LNPK: variants seen among roughly 807,000 people sequenced by gnomAD.
LNPK encodes endoplasmic reticulum junction formation protein lunapark.
A neutral mutation model predicts 55.2 loss-of-function variants in LNPK; 29 were observed. The observed-to-expected ratio is 0.53, with a 90% CI of 0.39 to 0.72. LNPK has a LOEUF of 0.72. Ranked by LOEUF, LNPK falls within the 30% of genes least tolerant of loss-of-function variation. The pLI is 0.00. For missense variants in LNPK, 467 were observed against 494.8 expected (o/e 0.94, Z 0.53); for synonymous variants, 162 against 168.2 (o/e 0.96, Z 0.29).
At chr2:175,979,692 A>C (rs1470823737) in intron 5 of LNPK, 118 bp downstream of exon 5, 2 of 810,302 alleles carry the variant, frequency 2.5e-6, no homozygotes, top group Non-Finnish European at 3.6e-6. Flanking sequence ...TATAATAAAC[A>C]ACTCTTCAAT....
At chr2:175,967,042 T>TGAGAATTCTC (rs1197867282) in intron 6 of LNPK, among the ~76,000 whole-genome samples, 30 of 152,342 alleles carry the variant, frequency 2.0e-4, no homozygotes, top group African/African-American at 7.2e-4. Context: ...CTAGAATTCT[T>TGAGAATTCTC]GAGAATTCTC....
intron 4 of LNPK, among the ~76,000 whole-genome samples, chr2:175,989,021 C>A (rs1375378578): frequency 6.6e-6 from 1 of 152,118 alleles, no homozygotes; most frequent in African/African-American, 2.4e-5. Context: ...GTGATCCGCC[C>A]GCCTGGGCCT....
At chr2:175,930,275 AACAC>A (rs35338571) in intron 12 of LNPK, 76 bp from the exon 13 acceptor site, 9,941 of 659,400 alleles carry the variant, frequency 0.015, 44 homozygotes, top group African/African-American at 0.027. Flanking sequence ...AAAAAAGATA[AACAC>A]ACACACACAC....
In LNPK at chr2:175,947,521, G is replaced by A; in HGVS notation, c.665C>T (p.Pro222Leu). The change falls in exon 9 of 13, where the codon CCA (proline) becomes CTA (leucine). Residue 222 changes from proline to leucine, a missense_variant. Coordinates refer to ENST00000272748, the MANE Select transcript of LNPK (RefSeq NM_030650.3). ...AGTAGCAGGGGATCCAAGATGTCTTGGTAACACATTTGATGATAGGGCTGG... is the reference window on the plus strand; with the variant it reads ...AGTAGCAGGGGATCCAAGATGTCTTAGTAACACATTTGATGATAGGGCTGG... The part of the protein sequence containing the change: ...VTPALSSNVL[P>L]RHLGSPATSV... 6.2e-7 allele frequency: 1 copy of A among 1,613,858 alleles called. No homozygotes were observed. Among genetic ancestry groups the A allele is most frequent in the Non-Finnish European group, 8.5e-7 (1 of 1,179,918 alleles).
intron 9 of LNPK, among the ~76,000 whole-genome samples, chr2:175,944,345 G>A (rs1313335483): frequency 1.3e-5 from 2 of 152,030 alleles, no homozygotes; most frequent in Non-Finnish European, 2.9e-5. Context: ...CTAATGGTGA[G>A]TTGGGAGTGG....
chr2:175,993,109 A>T, intron 3 of LNPK, 73 bp downstream of exon 3: 1 of 936,768 alleles, frequency 1.1e-6, no homozygotes, highest in South Asian at 1.8e-5. Context: ...TGGTCTCCAA[A>T]ATAATATATA....
chr2:175,939,448 T>G (rs1193599064), intron 10 of LNPK, 104 bp downstream of exon 10: 9 of 528,108 alleles, frequency 1.7e-5, no homozygotes, highest in Non-Finnish European at 2.7e-5. Context: ...CACTATGCTC[T>G]AAAGTCAGAA....
intron 4 of LNPK, among the ~76,000 whole-genome samples, chr2:175,991,460 A>T (rs1188285444): frequency 6.6e-6 from 1 of 152,216 alleles, no homozygotes; most frequent in Non-Finnish European, 1.5e-5. Context: ...AGGAGTTTCA[A>T]ATTGAAAATA....
intron 4 of LNPK, 100 bp downstream of exon 4, chr2:175,992,131 T>C (rs1687730988): frequency 1.4e-6 from 1 of 715,076 alleles, no homozygotes; most frequent in African/African-American, 1.9e-5. Context: ...AATCAGATAT[T>C]ACCATTTAAT....
intron 4 of LNPK, among the ~76,000 whole-genome samples, chr2:175,987,921 T>TAA (rs1444533008): frequency 6.6e-6 from 1 of 152,190 alleles, no homozygotes; most frequent in Non-Finnish European, 1.5e-5. Context: ...GTAAACATTT[T>TAA]AAAAGCTCAA....
chr2:175,969,989 C>T (rs1403980603), intron 6 of LNPK, among the ~76,000 whole-genome samples: 2 of 152,112 alleles, frequency 1.3e-5, no homozygotes, highest in Admixed American at 1.3e-4. Context: ...TTACTTGTTA[C>T]ATACTAGACT....
At chr2:175,984,177 A>G (rs1687303265) in intron 4 of LNPK, among the ~76,000 whole-genome samples, 1 of 144,220 alleles carries the variant, frequency 6.9e-6, no homozygotes, top group Admixed American at 6.8e-5. Context: ...TATCCAACAA[A>G]GAACTTTTTT....
chr2:175,930,316 A>T lies in LNPK; in HGVS notation c.1055-117T>A, dbSNP rs564298694. Reference sequence around the variant, plus strand: ...CACACACACACACACACACACACACACAAAGAAACCATACAATTGTCTAAC... The same window carrying T: ...CACACACACACACACACACACACACTCAAAGAAACCATACAATTGTCTAAC... On this transcript the variant is annotated intron_variant, in intron 12 of 12. Transcript: ENST00000272748. 1.2e-4 allele frequency: 78 copies of T among 631,966 alleles called. No homozygotes were observed. The African/African-American group carries it at 1.3e-3, about 10-fold the overall frequency. 39.1% of individuals were successfully genotyped at this position (631,966 alleles called of 1,614,324 possible).
intron 8 of LNPK, among the ~76,000 whole-genome samples, chr2:175,962,253 C>T (rs572854340): frequency 3.9e-5 from 6 of 152,258 alleles, no homozygotes; most frequent in African/African-American, 1.4e-4. Flanking sequence ...CAAGACAATC[C>T]TAAGCAAAAA....
intron 4 of LNPK, among the ~76,000 whole-genome samples, chr2:175,991,618 T>C (rs557301057): frequency 6.6e-6 from 1 of 152,316 alleles, no homozygotes; most frequent in African/African-American, 2.4e-5. Context: ...GTCTAAGATA[T>C]ACAGTCAGAG....
At chr2:175,974,805 C>G (rs978969327) in intron 5 of LNPK, among the ~76,000 whole-genome samples, 1 of 151,730 alleles carries the variant, frequency 6.6e-6, no homozygotes, top group Admixed American at 6.6e-5. Context: ...TTTACAAAGT[C>G]GATTTTAAAC....
At chr2:175,932,562 T>C (rs901015227) in intron 12 of LNPK, among the ~76,000 whole-genome samples, 1 of 152,126 alleles carries the variant, frequency 6.6e-6, no homozygotes, top group South Asian at 2.1e-4. Context: ...CTACAAAAAA[T>C]TGGTATGTGA....
At chr2:175,969,822 C>A (rs560369012) in intron 6 of LNPK, among the ~76,000 whole-genome samples, 14 of 152,106 alleles carry the variant, frequency 9.2e-5, no homozygotes, top group Admixed American at 4.6e-4. Context: ...CACAGGACAC[C>A]CAATAAGGAG....
chr2:175,992,153 C>A (rs1450422012), intron 4 of LNPK, 78 bp downstream of exon 4: 1 of 877,798 alleles, frequency 1.1e-6, no homozygotes, highest in Non-Finnish European at 1.7e-6. Flanking sequence ...ATAAAGAGAC[C>A]GAATATACAT....
Sources: gnomAD v4.1 joint callset for allele counts (sites outside exome capture counted in the v4.1 genomes callset) on GRCh38, gnomAD v4.1.1 for gene constraint, MANE v1.5 for transcripts, NCBI Gene and HGNC (gene_info 2026-07-23, HGNC 2026-07-21) for gene names.